The following TUB variants were observed in gnomAD, a reference collection of about 807,000 sequenced individuals.
TUB encodes TUB bipartite transcription factor, also known as tubby protein homolog.
In TUB, 33 loss-of-function variants were observed where a neutral mutation model predicts 59.7. The observed-to-expected ratio is 0.55, with a 90% CI of 0.42 to 0.74. The LOEUF (loss-of-function observed/expected upper bound fraction) is 0.74, where lower values mean the gene tolerates loss of function less well. Ranked by LOEUF, TUB falls within the 30% of genes least tolerant of loss-of-function variation. TUB has a pLI of 0.00. For missense variants in TUB, 659 were observed against 672.0 expected, an observed-to-expected ratio of 0.98 and a Z score of 0.21; for synonymous variants, 293 against 256.4, an observed-to-expected ratio of 1.14 and a Z score of -1.36.
In TUB at chr11:8,099,688, C is replaced by T. The variant is rs926141229; in HGVS notation, c.1116+813C>T. 3.3e-5 allele frequency among the ~76,000 whole-genome samples: 5 copies of T among 152,136 alleles called. No homozygotes were observed. The South Asian group carries it at 6.2e-4, about 19-fold the overall frequency. On this transcript the variant is annotated intron_variant, in intron 9 of 11. Coordinates refer to ENST00000299506, the MANE Select transcript of TUB (RefSeq NM_177972.3). ...GTGAAGTAAGTATGTTCTTTATAAA[C>T]ACTAAGAAGAAAAAGTAGGGGAGGG...
At chr11:8,061,866 C>T (rs1380693180) in intron 2 of TUB, among the ~76,000 whole-genome samples, 1 of 152,046 alleles carries the variant, frequency 6.6e-6, no homozygotes, top group African/African-American at 2.4e-5. Flanking sequence ...GTAGAAGTGA[C>T]CCCCTCCCTG....
At chr11:8,070,619 C>G (rs1196948157) in intron 2 of TUB, among the ~76,000 whole-genome samples, 1 of 152,080 alleles carries the variant, frequency 6.6e-6, no homozygotes, top group Non-Finnish European at 1.5e-5. Context: ...TCATCAATGC[C>G]CCCCTCAGGA....
Position 8,097,324 on chromosome 11 carries a change from G to A in TUB, c.784G>A (p.Gly262Ser). ...EEFALRPAPQ[G>S]ITIKCRITRD... ...GTTTGCACTGAGGCCGGCCCCCCAG[G>A]GTATCACCATCAAATGCCGCATCAC... Residue 262 changes from glycine to serine, a missense_variant, in exon 7 of 12, where the codon GGT (glycine) becomes AGT (serine). By Grantham distance (56) the Gly-to-Ser change is moderately conservative. Coordinates refer to ENST00000299506, the MANE Select transcript of TUB (RefSeq NM_177972.3). The A allele has an allele frequency of 6.2e-7, 1 of 1,614,104 alleles. No homozygotes were observed. Among genetic ancestry groups the A allele is most frequent in the Non-Finnish European group, 8.5e-7 (1 of 1,180,020 alleles).
At position 8,097,380 on chromosome 11, in the gene TUB, G is replaced by T. The variant is rs117876544; in HGVS notation, c.840G>T (p.Met280Ile). 2 of 1,614,204 alleles carry T rather than the reference G, an allele frequency of 1.2e-6. No homozygotes were observed. Among genetic ancestry groups the T allele is most frequent in the Non-Finnish European group, 1.7e-6 (2 of 1,180,024 alleles). The stretch of plus-strand genomic sequence containing the variant: ...ACAAGAAAGGGATGGACCGGGGCAT[G>T]TACCCCACCTACTTTCTGCACCTGG... The part of the protein sequence containing the change: ...TRDKKGMDRG[M>I]YPTYFLHLDR... Residue 280 changes from methionine to isoleucine, a missense_variant, in exon 7 of 12, where the codon ATG (methionine) becomes ATT (isoleucine). By Grantham distance (10) the Met-to-Ile change is conservative (BLOSUM62 1). Coordinates refer to ENST00000299506, the MANE Select transcript of TUB (RefSeq NM_177972.3).
At chr11:8,048,645 A>G (rs958061040) in intron 2 of TUB, among the ~76,000 whole-genome samples, 47 of 152,212 alleles carry the variant, frequency 3.1e-4, no homozygotes, top group African/African-American at 1.0e-3. Flanking sequence ...GTCTCAAGCA[A>G]TCCTCCCAAC....
intron 1 of TUB, among the ~76,000 whole-genome samples, chr11:8,082,915 C>A (rs536010881): frequency 6.6e-6 from 1 of 152,174 alleles, no homozygotes. Context: ...CTCACACGTG[C>A]GCACATACAG....
Position 8,105,684 on chromosome 11 carries a change from T to TTCATCACTACCTTTATAGCTC in TUB, c.*4087_*4107dup, listed in dbSNP as rs368807434. 3 of 152,314 alleles carry TTCATCACTACCTTTATAGCTC rather than the reference T, an allele frequency of 2.0e-5. No homozygotes were observed. The highest frequency in any genetic ancestry group is 6.5e-5 in the Admixed American group (1 of 15,312). The allele number at this position is 152,314 out of a possible 1,614,324, so 9.4% of individuals were successfully genotyped here. A position where few individuals can be genotyped will look rare whatever the true frequency, so the allele number is the denominator to read the frequency against. ...GGGTGAATGAAAATTATTCCTTGCT[T>TTCATCACTACCTTTATAGCTC]TCATCACTACCTTTATAGCTCTCAT... On this transcript the variant is annotated 3_prime_UTR_variant, in exon 12 of 12. Transcript: ENST00000299506.
At chr11:8,096,561 G>A in intron 5 of TUB, 124 bp from the exon 6 acceptor site, 2 of 720,414 alleles carry the variant, frequency 2.8e-6, no homozygotes, top group South Asian at 3.1e-5. Context: ...GGCTAAGAGT[G>A]TGTGCATAAG....
At chr11:8,058,909 T>C (rs1943070106) in intron 2 of TUB, among the ~76,000 whole-genome samples, 1 of 152,248 alleles carries the variant, frequency 6.6e-6, no homozygotes, top group African/African-American at 2.4e-5. Flanking sequence ...GTAAATTATG[T>C]GCTATACATC....
At chr11:8,093,763 T>G (rs1943861446) in intron 3 of TUB, among the ~76,000 whole-genome samples, 1 of 152,156 alleles carries the variant, frequency 6.6e-6, no homozygotes, top group African/African-American at 2.4e-5. Context: ...GCCCAGAACT[T>G]TTGAGTGCGC....
chr11:8,106,158 CATGTTGACATTATGT>C lies in TUB; in HGVS notation c.*4546_*4560del, dbSNP rs1430925111. 2.6e-5 allele frequency: 4 copies of C among 151,736 alleles called. No homozygotes were observed. The highest frequency in any genetic ancestry group is 2.6e-4 in the Admixed American group (4 of 15,244). The allele number at this position is 151,736 out of a possible 1,614,324, so 9.4% of individuals were successfully genotyped here. A position where few individuals can be genotyped will look rare whatever the true frequency, so the allele number is the denominator to read the frequency against. The stretch of plus-strand genomic sequence containing the variant: ...TGCAATGACAAACTTGGTATTTTCC[CATGTTGACATTATGT>C]ATGTTGTAGAATTTAGTGTTTGTCT... On this transcript the variant is annotated 3_prime_UTR_variant, in exon 12 of 12. Transcript: ENST00000299506.
Position 8,097,372 on chromosome 11 carries a change from C to A in TUB, c.832C>A (p.Arg278=). 1 of 1,614,144 alleles carries A rather than the reference C, an allele frequency of 6.2e-7. No homozygotes were observed. The highest frequency in any genetic ancestry group is 8.5e-7 in the Non-Finnish European group (1 of 1,180,018). ...CACTCGGGACAAGAAAGGGATGGACCGGGGCATGTACCCCACCTACTTTCT... is the reference window on the plus strand; with the variant it reads ...CACTCGGGACAAGAAAGGGATGGACAGGGGCATGTACCCCACCTACTTTCT... ...RITRDKKGMD[R]GMYPTYFLHL... The change falls in exon 7 of 12, where the codon CGG becomes AGG. Residue 278 remains arginine (R), a synonymous_variant. Transcript: ENST00000299506.
Position 8,103,005 on chromosome 11 carries a change from G to A in TUB, c.*1386G>A, listed in dbSNP as rs117255710. On this transcript the variant is annotated 3_prime_UTR_variant, in exon 12 of 12. Transcript: ENST00000299506. ...AAATTAGATTGAAACCATTCCAGTA[G>A]GAAATCAGGCAGTTCCCTGTTGAAA... 0.016 allele frequency: 2,493 copies of A among 152,388 alleles called. 40 individuals carry two copies. The highest frequency in any genetic ancestry group is 0.023 in the Non-Finnish European group (1,584 of 68,062). The allele number at this position is 152,388 out of a possible 1,614,324, so 9.4% of individuals were successfully genotyped here.
At chr11:8,075,302 T>C (rs991247598) in intron 2 of TUB, among the ~76,000 whole-genome samples, 4 of 152,234 alleles carry the variant, frequency 2.6e-5, no homozygotes, top group Non-Finnish European at 5.9e-5. Context: ...CATCATCTGG[T>C]TTTCTCTGGA....
intron 1 of TUB, among the ~76,000 whole-genome samples, chr11:8,027,899 T>C (rs1325518919): frequency 6.6e-6 from 1 of 152,226 alleles, no homozygotes; most frequent in Non-Finnish European, 1.5e-5. Flanking sequence ...CCAGTGAACA[T>C]TGGTGCGCGC....
In TUB at chr11:8,097,361, AAG is replaced by A. The variant is rs778265972; in HGVS notation, c.822_823del (p.Gly275AspfsTer16). On this transcript the variant is annotated frameshift_variant, in exon 7 of 12. Coordinates refer to ENST00000299506, the MANE Select transcript of TUB (RefSeq NM_177972.3). LOFTEE classifies it high-confidence loss of function. Reference sequence around the variant, plus strand: ...AAATGCCGCATCACTCGGGACAAGAAAGGGATGGACCGGGGCATGTACCCCAC... The same window carrying A: ...AAATGCCGCATCACTCGGGACAAGAAGGATGGACCGGGGCATGTACCCCAC... The A allele has an allele frequency of 6.2e-7, 1 of 1,614,204 alleles. No homozygotes were observed. Among genetic ancestry groups the A allele is most frequent in the Admixed American group, 1.7e-5 (1 of 60,022 alleles).
Position 8,095,565 on chromosome 11 carries a change from T to C in TUB, c.465T>C (p.Thr155=), listed in dbSNP as rs1291979316. Residue 155 remains threonine, a synonymous_variant, in exon 5 of 12, where the codon ACT becomes ACC. Coordinates refer to ENST00000299506, the MANE Select transcript of TUB (RefSeq NM_177972.3). ...CCCAAGGCCCAGTGCAGATTCTGAC[T>C]GTGGGCCAGTCAGACCACGCCCAGG... The part of the protein sequence containing the change: ...SEAQGPVQIL[T]VGQSDHAQDA... The C allele has an allele frequency of 1.2e-6, 2 of 1,613,256 alleles. No individual in the cohort carries two copies. Among genetic ancestry groups the C allele is most frequent in the South Asian group, 1.1e-5 (1 of 91,052 alleles).
At chr11:8,050,195 C>A (rs768498495) in intron 2 of TUB, among the ~76,000 whole-genome samples, 56 of 152,130 alleles carry the variant, frequency 3.7e-4, no homozygotes, top group South Asian at 2.1e-4. Flanking sequence ...GTATAGTATT[C>A]AATTGTGTGA....
chr11:8,032,878 C>G (rs1054683501), intron 1 of TUB, among the ~76,000 whole-genome samples: 2 of 152,192 alleles, frequency 1.3e-5, no homozygotes, highest in African/African-American at 2.4e-5. Flanking sequence ...GTGAGCCCCT[C>G]CCTAGGCTAC....
Sources: gnomAD v4.1 joint callset for allele counts (sites outside exome capture counted in the v4.1 genomes callset) on GRCh38, gnomAD v4.1.1 for gene constraint, MANE v1.5 for transcripts, NCBI Gene and HGNC (gene_info 2026-07-23, HGNC 2026-07-21) for gene names.